Variants in BMPR1A observed in about 807,000 individuals in gnomAD.
BMPR1A encodes bone morphogenetic protein receptor type-1A.
A neutral mutation model predicts 66.0 loss-of-function variants in BMPR1A; 7 were observed. The ratio of observed to expected loss-of-function variants is 0.11; its 90% CI spans 0.06 to 0.20. BMPR1A has a LOEUF of 0.20. Ranked by LOEUF, BMPR1A falls within the 10% of genes least tolerant of loss-of-function variation. The pLI is 1.00. For missense variants in BMPR1A, 408 were observed against 669.1 expected, an observed-to-expected ratio of 0.61 and a Z score of 4.31; for synonymous variants, 200 against 229.7, an observed-to-expected ratio of 0.87 and a Z score of 1.17.
At chr10:86,805,821 T>G (rs1841882235) in intron 1 of BMPR1A, among the ~76,000 whole-genome samples, 1 of 152,068 alleles carries the variant, frequency 6.6e-6, no homozygotes, top group Non-Finnish European at 1.5e-5. Flanking sequence ...GTTATCAAAT[T>G]CAGGGAGTTT....
At chr10:86,916,465 G>A (rs1843569032) in intron 8 of BMPR1A, among the ~76,000 whole-genome samples, 2 of 152,168 alleles carry the variant, frequency 1.3e-5, no homozygotes, top group Non-Finnish European at 2.9e-5. Flanking sequence ...CAGCAGGAAG[G>A]GGGCAAGCCC....
chr10:86,831,207 C>T (rs1315498453), intron 1 of BMPR1A, among the ~76,000 whole-genome samples: 1 of 152,206 alleles, frequency 6.6e-6, no homozygotes, highest in Non-Finnish European at 1.5e-5. Context: ...CAGCCCTGCA[C>T]CTTCCTTATA....
intron 8 of BMPR1A, among the ~76,000 whole-genome samples, chr10:86,915,367 T>G (rs1168492944): frequency 6.6e-6 from 1 of 152,224 alleles, no homozygotes; most frequent in East Asian, 1.9e-4. Flanking sequence ...TAAAATATTC[T>G]GTATCTTAAT....
At chr10:86,805,380 A>G (rs111336466) in intron 1 of BMPR1A, among the ~76,000 whole-genome samples, 1 of 146,634 alleles carries the variant, frequency 6.8e-6, no homozygotes, top group African/African-American at 2.5e-5. Flanking sequence ...CTACCTGTAC[A>G]CACACACACA....
Position 86,924,335 on chromosome 10 carries a change from G to T in BMPR1A, c.*616G>T, listed in dbSNP as rs1485909508. 4 of 235,960 alleles carry T rather than the reference G, an allele frequency of 1.7e-5. No homozygotes were observed. The highest frequency in any genetic ancestry group is 3.3e-5 in the Non-Finnish European group (4 of 119,542). The allele number at this position is 235,960 out of a possible 1,614,324, so 14.6% of individuals were successfully genotyped here. On this transcript the variant is annotated 3_prime_UTR_variant, in exon 13 of 13. Transcript: ENST00000372037. ...CATGCACAGGAAGATATTGGTGGCCGGTGGTTTTGTGCTTTAAAAATGCAA... is the reference window on the plus strand; with the variant it reads ...CATGCACAGGAAGATATTGGTGGCCTGTGGTTTTGTGCTTTAAAAATGCAA...
intron 1 of BMPR1A, among the ~76,000 whole-genome samples, chr10:86,779,591 A>T (rs961708460): frequency 6.6e-6 from 1 of 152,088 alleles, no homozygotes; most frequent in Non-Finnish European, 1.5e-5. Context: ...CCTGATGATT[A>T]GTGCTGTTGA....
Position 86,927,438 on chromosome 10 carries a change from G to A in BMPR1A, c.*3719G>A, listed in dbSNP as rs1332832036. 1.5e-5 allele frequency: 3 copies of A among 198,902 alleles called. No homozygotes were observed. The highest frequency in any genetic ancestry group is 6.0e-5 in the Admixed American group (1 of 16,596). The allele number at this position is 198,902 out of a possible 1,614,324, so 12.3% of individuals were successfully genotyped here. On this transcript the variant is annotated 3_prime_UTR_variant, in exon 13 of 13. Transcript: ENST00000372037. ...CAGGTGTTAAAATAGCAGTGCCACA[G>A]CTCGTCTCTTGCCTTAGTGTGCTGC...
rs1222737107 is a variant in BMPR1A, at chr10:86,773,615, A to C, written c.-268+16696A>C. Among the ~76,000 whole-genome samples the C allele has an allele frequency of 4.0e-5, 6 of 150,484 alleles. 2 individuals are homozygous for C. The South Asian group carries it at 8.4e-4, about 21-fold the overall frequency. ...TCAGAAAGAAAAAAAAAAAAAAAAA[A>C]AACACAACACCAGATGGAAATAGAA... On this transcript the variant is annotated intron_variant, in intron 1 of 12. Transcript: ENST00000372037.
intron 3 of BMPR1A, among the ~76,000 whole-genome samples, chr10:86,881,446 A>G (rs1842984029): frequency 6.6e-6 from 1 of 152,214 alleles, no homozygotes; most frequent in Admixed American, 6.5e-5. Flanking sequence ...ATAGGATTAG[A>G]TACATTATTT....
chr10:86,908,493 T>C (rs1029160992), intron 7 of BMPR1A, among the ~76,000 whole-genome samples: 6 of 152,194 alleles, frequency 3.9e-5, no homozygotes, highest in Admixed American at 6.5e-5. Context: ...GCCTGTGCCT[T>C]CAATGCCTCA....
intron 7 of BMPR1A, among the ~76,000 whole-genome samples, chr10:86,900,656 A>G (rs72807983): frequency 1.5e-3 from 228 of 152,362 alleles, no homozygotes; most frequent in Middle Eastern, 0.01. Context: ...TTAGCATATA[A>G]TAAAGGAAAC....
intron 1 of BMPR1A, among the ~76,000 whole-genome samples, chr10:86,804,684 C>T (rs1841862458): frequency 6.6e-6 from 1 of 151,512 alleles, no homozygotes; most frequent in Non-Finnish European, 1.5e-5. Context: ...ATTTTGTGAC[C>T]ACCAGTGAAT....
chr10:86,860,728 C>T (rs78452965), intron 2 of BMPR1A, among the ~76,000 whole-genome samples: 21,954 of 148,724 alleles, frequency 0.15, 2,594 homozygotes, highest in East Asian at 0.66. Context: ...CGAGATTGTG[C>T]CATTGCACTA....
At chr10:86,866,415 T>TTTTTTTTTTC (rs1564707639) in intron 2 of BMPR1A, among the ~76,000 whole-genome samples, 2,203 of 132,294 alleles carry the variant, frequency 0.017, 104 homozygotes, top group African/African-American at 0.062. Flanking sequence ...TTTTTTTTTT[T>TTTTTTTTTTC]TTTTTTTTTT....
Position 86,927,032 on chromosome 10 carries a change from AT to A in BMPR1A, c.*3315del, listed in dbSNP as rs1219262408. ...AAGTTATTTTAATCAGTATTTTTACATTGCCTTTCCAGTGTCCAGAAGTGTT... is the reference window on the plus strand; with the variant it reads ...AAGTTATTTTAATCAGTATTTTTACATGCCTTTCCAGTGTCCAGAAGTGTT... On this transcript the variant is annotated 3_prime_UTR_variant, in exon 13 of 13. Coordinates refer to ENST00000372037, the MANE Select transcript of BMPR1A (RefSeq NM_004329.3). 1 of 187,308 alleles carries A rather than the reference AT, an allele frequency of 5.3e-6. No homozygotes were observed. The highest frequency in any genetic ancestry group is 1.1e-5 in the Non-Finnish European group (1 of 88,888). 11.6% of individuals were successfully genotyped at this position (187,308 alleles called of 1,614,324 possible).
At chr10:86,834,393 A>G (rs1200934346) in intron 1 of BMPR1A, among the ~76,000 whole-genome samples, 2 of 152,226 alleles carry the variant, frequency 1.3e-5, no homozygotes, top group African/African-American at 4.8e-5. Flanking sequence ...CCAAAATCCT[A>G]CACTGTGTCA....
At chr10:86,777,322 T>C (rs768037649) in intron 1 of BMPR1A, among the ~76,000 whole-genome samples, 5 of 152,210 alleles carry the variant, frequency 3.3e-5, no homozygotes, top group Non-Finnish European at 5.9e-5. Flanking sequence ...CTCATGCCTG[T>C]AATCCCAGCA....
At chr10:86,757,828 C>G (rs1203953661) in intron 1 of BMPR1A, among the ~76,000 whole-genome samples, 1 of 152,142 alleles carries the variant, frequency 6.6e-6, no homozygotes, top group African/African-American at 2.4e-5. Context: ...TCTAAGGGAG[C>G]TGGGATTTGA....
chr10:86,855,748 C>A, intron 2 of BMPR1A: 1 of 979,244 alleles, frequency 1.0e-6, no homozygotes, highest in South Asian at 1.8e-5. Flanking sequence ...CTTTCTTTTT[C>A]ATTATGCTTT....
Sources: gnomAD v4.1 joint callset for allele counts (sites outside exome capture counted in the v4.1 genomes callset) on GRCh38, gnomAD v4.1.1 for gene constraint, MANE v1.5 for transcripts, NCBI Gene and HGNC (gene_info 2026-07-23, HGNC 2026-07-21) for gene names.